BIRC6: variants seen among roughly 807,000 people sequenced by gnomAD.
BIRC6 encodes the protein dual E2 ubiquitin-conjugating enzyme/E3 ubiquitin-protein ligase BIRC6.
A neutral mutation model predicts 503.3 loss-of-function variants in BIRC6; 98 were observed. That is an observed-to-expected ratio of 0.19 (90% confidence interval 0.17 to 0.23). The LOEUF is 0.23. Among genes scored for constraint, BIRC6 ranks in the 10% least tolerant of loss-of-function variants. BIRC6 has a pLI of 1.00. For synonymous variants in BIRC6, 2,240 were observed against 2,078.7 expected (o/e 1.08, Z -2.11); for missense variants, 5,360 against 5,806.0 (o/e 0.92, Z 2.50).
intron 1 of BIRC6, among the ~76,000 whole-genome samples, chr2:32,372,681 T>C (rs2036153028): frequency 1.3e-5 from 2 of 152,022 alleles, no homozygotes; most frequent in African/African-American, 4.8e-5. Context: ...ATACTAAAAA[T>C]TAGCCAGACA....
At chr2:32,489,652 G>C (rs1254467040) in intron 42 of BIRC6, among the ~76,000 whole-genome samples, 1 of 151,934 alleles carries the variant, frequency 6.6e-6, no homozygotes, top group African/African-American at 2.4e-5. Context: ...ACAAAAATTA[G>C]CCGGCTGTGT....
chr2:32,585,384 G>GTTT (rs571780668), intron 66 of BIRC6, among the ~76,000 whole-genome samples: 8 of 143,210 alleles, frequency 5.6e-5, no homozygotes, highest in Middle Eastern at 3.6e-3. Context: ...TGGTTCTTTT[G>GTTT]TTTTTTTTTT....
Position 32,518,532 on chromosome 2 carries a change from C to G in BIRC6, c.11493+135C>G, listed in dbSNP as rs78820896. The G allele has an allele frequency of 6.0e-4, 564 of 937,526 alleles. 8 individuals are homozygous for G. The African/African-American group carries it at 8.8e-3, about 15-fold the overall frequency. The allele number at this position is 937,526 out of a possible 1,614,324, so 58.1% of individuals were successfully genotyped here. On this transcript the variant is annotated intron_variant, in intron 56 of 73. Transcript: ENST00000421745. Reference sequence around the variant, plus strand: ...CTAGCACAGCCTTTATACCTAATGACAGAACTTGACAATTTCAGGATAGCG... The same window carrying G: ...CTAGCACAGCCTTTATACCTAATGAGAGAACTTGACAATTTCAGGATAGCG...
intron 21 of BIRC6, among the ~76,000 whole-genome samples, chr2:32,448,494 AC>A (rs2046330364): frequency 6.6e-6 from 1 of 152,072 alleles, no homozygotes; most frequent in African/African-American, 2.4e-5. Flanking sequence ...ACCAAAAAAA[AC>A]CGAAAACCAG....
At chr2:32,400,583 C>T (rs1044897768) in intron 6 of BIRC6, among the ~76,000 whole-genome samples, 3 of 152,076 alleles carry the variant, frequency 2.0e-5, no homozygotes, top group Non-Finnish European at 4.4e-5. Context: ...ATGATCCACC[C>T]GCCTCAGCCT....
chr2:32,536,018 T>C (rs1403456227), intron 61 of BIRC6, among the ~76,000 whole-genome samples: 1 of 152,224 alleles, frequency 6.6e-6, no homozygotes, highest in Non-Finnish European at 1.5e-5. Context: ...TGAGATGGTA[T>C]CTCATTGTGG....
At chr2:32,489,572 G>A (rs1301867591) in intron 42 of BIRC6, among the ~76,000 whole-genome samples, 1 of 152,156 alleles carries the variant, frequency 6.6e-6, no homozygotes, top group African/African-American at 2.4e-5. Flanking sequence ...AGCACTTTGA[G>A]AGGCCGAGGT....
chr2:32,593,442 G>C (rs1212351196), intron 66 of BIRC6, among the ~76,000 whole-genome samples: 1 of 152,024 alleles, frequency 6.6e-6, no homozygotes, highest in African/African-American at 2.4e-5. Flanking sequence ...CTCATTAAAA[G>C]ATCCAATGTA....
chr2:32,601,111 T>G (rs2062024975), intron 70 of BIRC6, among the ~76,000 whole-genome samples: 1 of 152,264 alleles, frequency 6.6e-6, no homozygotes, highest in Non-Finnish European at 1.5e-5. Flanking sequence ...TGCACAAGCT[T>G]GCACTAAAGG....
chr2:32,432,509 C>T (rs1361778541), intron 12 of BIRC6, among the ~76,000 whole-genome samples: 1 of 152,034 alleles, frequency 6.6e-6, no homozygotes, highest in Non-Finnish European at 1.5e-5. Flanking sequence ...GTAATCCTAG[C>T]ATTTTGGGAG....
At chr2:32,538,383 G>T (rs2057403071) in intron 61 of BIRC6, among the ~76,000 whole-genome samples, 1 of 152,054 alleles carries the variant, frequency 6.6e-6, no homozygotes, top group Admixed American at 6.6e-5. Context: ...TACAGTTTTA[G>T]TCCTGCTCAG....
At chr2:32,377,525 AT>A in intron 1 of BIRC6, 62 bp from the exon 2 acceptor site, 1 of 1,356,180 alleles carries the variant, frequency 7.4e-7, no homozygotes, top group Admixed American at 2.5e-5. Context: ...CTATGTAAAC[AT>A]TTATTTTTAA....
rs2061932828 is a variant in BIRC6, at chr2:32,599,835, G to A, written c.13927G>A (p.Val4643Met). The A allele has an allele frequency of 6.2e-7, 1 of 1,613,862 alleles. No individual in the cohort carries two copies. Among genetic ancestry groups the A allele is most frequent in the Non-Finnish European group, 8.5e-7 (1 of 1,179,832 alleles). ...AGATTATCCCAGTTCACCCCCTCTT[G>A]TGAATCTAGAGACAACTGGTGGTCA... The part of the protein sequence containing the change: ...PQDYPSSPPL[V>M]NLETTGGHSV... The change falls in exon 70 of 74, where the codon GTG (valine) becomes ATG (methionine). Residue 4643 changes from valine to methionine, a missense_variant. This residue lies in a region of BIRC6 where 66 missense variants were observed against 113.2 expected (regional missense o/e 0.58). Coordinates refer to ENST00000421745, the MANE Select transcript of BIRC6 (RefSeq NM_016252.4).
intron 1 of BIRC6, among the ~76,000 whole-genome samples, chr2:32,374,795 A>C (rs975928214): frequency 6.6e-6 from 1 of 151,992 alleles, no homozygotes; most frequent in African/African-American, 2.4e-5. Context: ...TTAAATTAAG[A>C]TAGATACGGG....
intron 34 of BIRC6, 69 bp downstream of exon 34, chr2:32,476,413 G>T (rs1426450340): frequency 2.7e-6 from 4 of 1,459,542 alleles, no homozygotes; most frequent in Non-Finnish European, 3.7e-6. Flanking sequence ...AATTACGATC[G>T]AGAAACTTAA....
intron 61 of BIRC6, chr2:32,532,031 C>T: frequency 2.0e-6 from 1 of 498,560 alleles, no homozygotes; most frequent in South Asian, 1.5e-5. Context: ...GCTTTCCATG[C>T]TCTTGTATCA....
At chr2:32,505,780 A>T (rs1245737424) in intron 50 of BIRC6, among the ~76,000 whole-genome samples, 2 of 152,226 alleles carry the variant, frequency 1.3e-5, no homozygotes, top group African/African-American at 4.8e-5. Context: ...AAATAATTCA[A>T]AATAATTTTT....
chr2:32,559,706 G>GC (rs771198457), intron 65 of BIRC6, among the ~76,000 whole-genome samples: 1 of 149,400 alleles, frequency 6.7e-6, no homozygotes, highest in South Asian at 2.1e-4. Flanking sequence ...GGTTGGGGGG[G>GC]TCTTCAAAAT....
chr2:32,392,451 T>C (rs969090532), intron 5 of BIRC6, among the ~76,000 whole-genome samples: 1 of 152,118 alleles, frequency 6.6e-6, no homozygotes, highest in African/African-American at 2.4e-5. Context: ...AGATGGGGTT[T>C]CACCATGTTG....
Sources: allele counts gnomAD v4.1 joint callset (sites outside exome capture counted in the v4.1 genomes callset), GRCh38; gene constraint gnomAD v4.1.1; regional missense constraint gnomAD v4.1.1; transcripts MANE v1.5; gene names NCBI Gene and HGNC (gene_info 2026-07-23, HGNC 2026-07-21).